Variants in EPHA6 observed in about 807,000 individuals in gnomAD.
EPHA6 encodes EPH receptor A6.
EPHA6 carries 50 observed loss-of-function variants against 112.0 expected under a neutral mutation model. The observed-to-expected ratio is 0.45, with a 90% confidence interval of 0.36 to 0.56. The LOEUF is 0.56. Ranked by LOEUF, EPHA6 falls within the 20% of genes least tolerant of loss-of-function variation. EPHA6 has a pLI of 0.00. For synonymous variants in EPHA6, 529 were observed against 490.7 expected (o/e 1.08, Z -1.03); for missense variants, 1,280 against 1,417.4 (o/e 0.90, Z 1.56).
rs1030171140 is a variant in EPHA6 at position 96,969,104 on chromosome 3, A to G, written c.451-18226A>G. 1.4e-4 allele frequency among the ~76,000 whole-genome samples: 22 copies of G among 152,022 alleles called. 1 individual carries two copies. Among genetic ancestry groups the G allele is most frequent in the Admixed American group, 1.1e-3 (17 of 15,236 alleles). On this transcript the variant is annotated intron_variant, in intron 2 of 17. Coordinates refer to ENST00000389672, the MANE Select transcript of EPHA6 (RefSeq NM_001080448.3). Reference sequence around the variant, plus strand: ...TAAAACAACTCTTCTAACTTCTACTAATTTGATATACTAAGATAATTTTTA... The same window carrying G: ...TAAAACAACTCTTCTAACTTCTACTGATTTGATATACTAAGATAATTTTTA...
chr3:96,869,678 C>G (rs2036525029), intron 2 of EPHA6, among the ~76,000 whole-genome samples: 2 of 151,950 alleles, frequency 1.3e-5, no homozygotes, highest in Non-Finnish European at 2.9e-5. Flanking sequence ...CTTTTAAAAC[C>G]TATGTTTAAT....
intron 5 of EPHA6, among the ~76,000 whole-genome samples, chr3:97,401,927 C>G (rs2087016161): frequency 6.6e-6 from 1 of 151,850 alleles, no homozygotes; most frequent in Non-Finnish European, 1.5e-5. Context: ...TTTGGTAACT[C>G]AGAAGCATTT....
At chr3:97,344,190 T>A (rs1033773085) in intron 5 of EPHA6, among the ~76,000 whole-genome samples, 1 of 152,098 alleles carries the variant, frequency 6.6e-6, no homozygotes, top group South Asian at 2.1e-4. Flanking sequence ...GACATTAGGA[T>A]TGATGCTGGA....
intron 3 of EPHA6, among the ~76,000 whole-genome samples, chr3:97,164,497 A>G (rs755900535): frequency 3.1e-4 from 47 of 152,182 alleles, no homozygotes; most frequent in Non-Finnish European, 2.1e-4. Context: ...CTCCTCTGCT[A>G]CTTTTTAGTG....
At chr3:97,612,340 G>A (rs2093727225) in intron 13 of EPHA6, 1 of 389,144 alleles carries the variant, frequency 2.6e-6, no homozygotes, top group Admixed American at 3.2e-5. Context: ...GGTTAGGTTG[G>A]TTTTCTTTTT....
At chr3:96,888,408 C>T (rs2037760185) in intron 2 of EPHA6, among the ~76,000 whole-genome samples, 1 of 152,158 alleles carries the variant, frequency 6.6e-6, no homozygotes, top group African/African-American at 2.4e-5. Flanking sequence ...TCCACTTCCA[C>T]AGTTGGGGGT....
At chr3:97,139,881 A>C (rs77180780) in intron 3 of EPHA6, among the ~76,000 whole-genome samples, 2 of 152,160 alleles carry the variant, frequency 1.3e-5, no homozygotes, top group African/African-American at 2.4e-5. Context: ...AATTGTAAGG[A>C]AGCTCAATGA....
rs780158717 is a variant in EPHA6 at position 97,638,064 on chromosome 3, A to C, written c.2766A>C (p.Glu922Asp). 7.4e-6 allele frequency: 12 copies of C among 1,613,240 alleles called. No individual in the cohort carries two copies. The East Asian group carries it at 2.7e-4, about 36-fold the overall frequency. Residue 922 changes from glutamate to aspartate, a missense_variant, in exon 14 of 18, where the codon GAA becomes GAC. By Grantham distance (45) the Glu-to-Asp change is conservative. Around this residue, in one of 4 missense-constraint regions of EPHA6, gnomAD observed 878 missense variants for 999.7 expected, o/e 0.88. Transcript: ENST00000389672. Reference protein sequence around the residue: ...GLSRVLEDDPEAAYTTTGGKI... With the variant: ...GLSRVLEDDPDAAYTTTGGKI... ...CCAGAGTGCTGGAAGATGATCCAGA[A>C]GCTGCTTATACAACAACTGTAAGTT...
chr3:97,156,864 C>T (rs2076299919), intron 3 of EPHA6, among the ~76,000 whole-genome samples: 1 of 152,016 alleles, frequency 6.6e-6, no homozygotes, highest in Non-Finnish European at 1.5e-5. Context: ...TTCTCAAACA[C>T]ATTTGAAATA....
intron 5 of EPHA6, among the ~76,000 whole-genome samples, chr3:97,401,480 C>T (rs987207557): frequency 1.3e-5 from 2 of 151,696 alleles, no homozygotes; most frequent in African/African-American, 4.8e-5. Flanking sequence ...TGGTTTATAA[C>T]AGTCTCTAAT....
intron 3 of EPHA6, among the ~76,000 whole-genome samples, chr3:97,129,400 G>A (rs2048274872): frequency 6.6e-6 from 1 of 151,980 alleles, no homozygotes; most frequent in Non-Finnish European, 1.5e-5. Context: ...TACTCAGGAG[G>A]CTGAGGCAGG....
chr3:97,215,286 A>G (rs2078000679), intron 3 of EPHA6, among the ~76,000 whole-genome samples: 1 of 152,190 alleles, frequency 6.6e-6, no homozygotes, highest in Non-Finnish European at 1.5e-5. Flanking sequence ...AGAACAGATT[A>G]TTCATTTCTT....
At chr3:97,643,631 G>A (rs541811625) in intron 14 of EPHA6, among the ~76,000 whole-genome samples, 236 of 151,620 alleles carry the variant, frequency 1.6e-3, no homozygotes, top group Middle Eastern at 3.4e-3. Context: ...AAAAAAGCAG[G>A]CGTTGCAATC....
chr3:97,445,838 A>T (rs2090324728), intron 6 of EPHA6, among the ~76,000 whole-genome samples: 1 of 152,124 alleles, frequency 6.6e-6, no homozygotes, highest in African/African-American at 2.4e-5. Context: ...AGCAAAGATG[A>T]AAAACAGAAC....
chr3:96,814,604 C>G lies in EPHA6; in HGVS notation c.-20C>G. 2.9e-6 allele frequency: 4 copies of G among 1,383,642 alleles called. No homozygotes were observed. Among genetic ancestry groups the G allele is most frequent in the Non-Finnish European group, 3.8e-6 (4 of 1,066,286 alleles). 85.7% of individuals were successfully genotyped at this position (1,383,642 alleles called of 1,614,324 possible). ...CCGGCCCAAGTGAATAGTCCTCGCG[C>G]AAGCGGGACACTGTGGTGGATGCAA... On this transcript the variant is annotated 5_prime_UTR_variant, in exon 1 of 18. Transcript: ENST00000389672.
intron 14 of EPHA6, among the ~76,000 whole-genome samples, chr3:97,645,107 C>T (rs112461171): frequency 0.028 from 4,289 of 152,134 alleles, 179 homozygotes; most frequent in African/African-American, 0.097. Context: ...GTCAATGTGG[C>T]GATTCCTCAG....
intron 5 of EPHA6, among the ~76,000 whole-genome samples, chr3:97,246,009 T>C (rs1485202757): frequency 2.0e-5 from 3 of 152,056 alleles, no homozygotes; most frequent in African/African-American, 7.2e-5. Flanking sequence ...GTATTTACTG[T>C]GTAATTTTCC....
intron 3 of EPHA6, among the ~76,000 whole-genome samples, chr3:97,037,255 CATACTT>C (rs111230158): frequency 0.028 from 4,184 of 152,006 alleles, 188 homozygotes; most frequent in African/African-American, 0.093. Flanking sequence ...CAAATACAAA[CATACTT>C]ATATACAAAT....
At chr3:97,217,514 C>G (rs899897927) in intron 3 of EPHA6, among the ~76,000 whole-genome samples, 1 of 152,076 alleles carries the variant, frequency 6.6e-6, no homozygotes, top group South Asian at 2.1e-4. Flanking sequence ...TAGTTTTTTA[C>G]AAGACCGAGG....
Sources: gnomAD v4.1 joint callset for allele counts (sites outside exome capture counted in the v4.1 genomes callset) on GRCh38, gnomAD v4.1.1 for gene constraint, gnomAD v4.1.1 regional missense constraint, MANE v1.5 for transcripts, NCBI Gene and HGNC (gene_info 2026-07-23, HGNC 2026-07-21) for gene names.